The following STEAP4 variants were observed in gnomAD, a reference collection of about 807,000 sequenced individuals.
The protein encoded by STEAP4 is metalloreductase STEAP4.
In STEAP4, 36 loss-of-function variants were observed where a neutral mutation model predicts 43.6. That is an observed-to-expected ratio of 0.83 (90% confidence interval 0.63 to 1.09). STEAP4 has a LOEUF of 1.09. Among genes scored for constraint, STEAP4 ranks in the 50% least tolerant of loss-of-function variants. STEAP4 has a pLI of 0.00. For synonymous variants in STEAP4, 191 were observed against 196.7 expected, an observed-to-expected ratio of 0.97 and a Z score of 0.24; for missense variants, 495 against 546.5, an observed-to-expected ratio of 0.91 and a Z score of 0.94.
At chr7:88,298,944 T>C (rs76338995) in intron 1 of STEAP4, among the ~76,000 whole-genome samples, 1,607 of 152,314 alleles carry the variant, frequency 0.011, 28 homozygotes, top group African/African-American at 0.037. Flanking sequence ...TTGCACAGTT[T>C]CATCAAGTCA....
Position 88,283,146 on chromosome 7 carries a change from C to T in STEAP4, c.479G>A (p.Ser160Asn). The T allele has an allele frequency of 1.3e-6, 2 of 1,555,764 alleles. No homozygotes were observed. The highest frequency in any genetic ancestry group is 1.7e-6 in the Non-Finnish European group (2 of 1,153,722). Reference protein sequence around the residue: ...SRQVFVCGNDSKAKQRVMDIV... With the variant: ...SRQVFVCGNDNKAKQRVMDIV... The stretch of plus-strand genomic sequence containing the variant: ...ATCCATCACTCTTTGCTTGGCTTTG[C>T]TGTCATTTCCACACACAAACACCTA... The change falls in exon 3 of 5, where the codon AGC (serine) becomes AAC (asparagine). Residue 160 changes from serine to asparagine, a missense_variant. Coordinates refer to ENST00000380079, the MANE Select transcript of STEAP4 (RefSeq NM_024636.4).
intron 1 of STEAP4, among the ~76,000 whole-genome samples, chr7:88,285,509 C>G (rs1204618333): frequency 2.0e-5 from 3 of 151,750 alleles, no homozygotes; most frequent in Admixed American, 1.3e-4. Context: ...TAATGTGGTA[C>G]TATCAAAGAA....
chr7:88,303,036 C>G (rs1853064442), intron 1 of STEAP4, among the ~76,000 whole-genome samples: 1 of 147,826 alleles, frequency 6.8e-6, no homozygotes, highest in Non-Finnish European at 1.5e-5. Flanking sequence ...AAGAGCTGTG[C>G]TATATAGTTT....
chr7:88,288,019 T>A (rs1852764766), intron 1 of STEAP4, among the ~76,000 whole-genome samples: 1 of 152,242 alleles, frequency 6.6e-6, no homozygotes, highest in Non-Finnish European at 1.5e-5. Context: ...CAGTTAGTTC[T>A]GATCTCTTTC....
Position 88,275,393 on chromosome 7 carries a change from G to A in STEAP4, c.*4005C>T, listed in dbSNP as rs1852498549. 6.6e-6 allele frequency: 1 copy of A among 152,168 alleles called. No individual in the cohort carries two copies. The highest frequency in any genetic ancestry group is 6.5e-5 in the Admixed American group (1 of 15,274). 9.4% of individuals were successfully genotyped at this position (152,168 alleles called of 1,614,324 possible). A position where few individuals can be genotyped will look rare whatever the true frequency, so the allele number is the denominator to read the frequency against. On this transcript the variant is annotated 3_prime_UTR_variant, in exon 5 of 5. Transcript: ENST00000380079. ...AGGTGTGAGTCACTGCGCCCGGCCA[G>A]TCTCAGGCTTATTTTACTCAGCCTC...
At chr7:88,291,203 T>C (rs1368861762) in intron 1 of STEAP4, among the ~76,000 whole-genome samples, 4 of 152,014 alleles carry the variant, frequency 2.6e-5, no homozygotes, top group African/African-American at 9.7e-5. Flanking sequence ...CTTAAGAATC[T>C]CCTACTTGTC....
In STEAP4 at chr7:88,273,379, T is replaced by G. The variant is rs1264778824; in HGVS notation, c.*6019A>C. The G allele has an allele frequency of 6.6e-6, 1 of 152,208 alleles. No individual in the cohort carries two copies. The highest frequency in any genetic ancestry group is 6.5e-5 in the Admixed American group (1 of 15,278). 9.4% of individuals were successfully genotyped at this position (152,208 alleles called of 1,614,324 possible). A position where few individuals can be genotyped will look rare whatever the true frequency, so the allele number is the denominator to read the frequency against. ...GCCAAGTTTAATTCTGGGTTTCTAT[T>G]TTATCACAATCTGATACTTTTTGAT... On this transcript the variant is annotated 3_prime_UTR_variant, in exon 5 of 5. Transcript: ENST00000380079.
intron 1 of STEAP4, among the ~76,000 whole-genome samples, chr7:88,289,178 G>A (rs77427890): frequency 0.012 from 1,806 of 151,882 alleles, 36 homozygotes; most frequent in African/African-American, 0.04. Flanking sequence ...ATAAATATTC[G>A]TTGAACTATA....
Position 88,282,983 on chromosome 7 carries a change from C to G in STEAP4, c.642G>C (p.Leu214Phe). 6.2e-7 allele frequency: 1 copy of G among 1,613,314 alleles called. No homozygotes were observed. Among genetic ancestry groups the G allele is most frequent in the East Asian group, 2.2e-5 (1 of 44,860 alleles). ...FYLSAVLCVF[L>F]FFYCVIRDVI... ...CGTCTCTTATAACACAATAGAAAAA[C>G]AAGAAGACACACAGCACAGCAGACA... is the stretch of plus-strand genomic sequence containing the variant. Residue 214 changes from leucine (L) to phenylalanine (F), a missense_variant, in exon 3 of 5, where the codon TTG becomes TTC. Leu to Phe is a conservative substitution (Grantham distance 22). Coordinates refer to ENST00000380079, the MANE Select transcript of STEAP4 (RefSeq NM_024636.4).
At chr7:88,296,414 C>T (rs1852924143) in intron 1 of STEAP4, among the ~76,000 whole-genome samples, 1 of 152,114 alleles carries the variant, frequency 6.6e-6, no homozygotes, top group East Asian at 1.9e-4. Context: ...GCAAATAACA[C>T]CTTCAAACTG....
chr7:88,274,013 G>C lies in STEAP4; in HGVS notation c.*5385C>G, dbSNP rs1226993888. 1 of 152,174 alleles carries C rather than the reference G, an allele frequency of 6.6e-6. No homozygotes were observed. The highest frequency in any genetic ancestry group is 2.4e-5 in the African/African-American group (1 of 41,448). 9.4% of individuals were successfully genotyped at this position (152,174 alleles called of 1,614,324 possible). On this transcript the variant is annotated 3_prime_UTR_variant, in exon 5 of 5. Coordinates refer to ENST00000380079, the MANE Select transcript of STEAP4 (RefSeq NM_024636.4). ...GAGTTGCAGTGGTTTCGTTCACTTA[G>C]TCTATTTTGTGGATTCAAAGGGACA...
rs1852739474 is a variant in STEAP4 at position 88,286,638 on chromosome 7, G to A, written c.-2-2367C>T. ...AGGCATGATAATTGCTTGAACTTGG[G>A]AGGTGGAGATTGTAGTGAGCTGAGA... On this transcript the variant is annotated intron_variant, in intron 1 of 4. Coordinates refer to ENST00000380079, the MANE Select transcript of STEAP4 (RefSeq NM_024636.4). Among the ~76,000 whole-genome samples, 2 of 152,108 alleles carry A rather than the reference G, an allele frequency of 1.3e-5. 1 individual carries two copies. The highest frequency in any genetic ancestry group is 4.1e-4 in the South Asian group (2 of 4,828).
chr7:88,286,888 C>T (rs889046327), intron 1 of STEAP4, among the ~76,000 whole-genome samples: 3 of 151,976 alleles, frequency 2.0e-5, no homozygotes, highest in Non-Finnish European at 4.4e-5. Flanking sequence ...GTCCTCCAAA[C>T]AAGTTCCTTA....
At chr7:88,281,658 AG>A (rs970562157) in intron 3 of STEAP4, 1 of 152,216 alleles carries the variant, frequency 6.6e-6, no homozygotes, top group Non-Finnish European at 1.5e-5. Context: ...ATAATTTTTG[AG>A]ACTGAAGTAA....
chr7:88,306,719 G>T (rs1204321770), intron 1 of STEAP4, 73 bp downstream of exon 1: 3 of 152,624 alleles, frequency 2.0e-5, no homozygotes, highest in Non-Finnish European at 4.4e-5. Context: ...GGGGAGTGGG[G>T]TCCTAGCAGC....
intron 1 of STEAP4, among the ~76,000 whole-genome samples, chr7:88,304,881 G>A (rs1207221531): frequency 6.6e-6 from 1 of 152,054 alleles, no homozygotes; most frequent in African/African-American, 2.4e-5. Flanking sequence ...AATAATAGTA[G>A]GGTGATTCAG....
chr7:88,280,091 C>T (rs754559737), intron 4 of STEAP4, among the ~76,000 whole-genome samples: 9 of 152,160 alleles, frequency 5.9e-5, no homozygotes, highest in African/African-American at 1.2e-4. Context: ...CTTGTTTCAG[C>T]CTACATTTTA....
rs781140914 is a variant in STEAP4 at position 88,283,098 on chromosome 7, G to A, written c.527C>T (p.Thr176Ile). ...VMDIVRNLGL[T>I]PMDQGSLMAA... ...CATGAGTGATCCTTGATCCATTGGA[G>A]TAAGTCCAAGATTACGAACAATATC... Residue 176 changes from threonine (T) to isoleucine (I), a missense_variant, in exon 3 of 5, where the codon ACT (threonine) becomes ATT (isoleucine). Physicochemically the swap from Thr to Ile is moderately conservative, Grantham distance 89. Coordinates refer to ENST00000380079, the MANE Select transcript of STEAP4 (RefSeq NM_024636.4). The A allele has an allele frequency of 4.4e-6, 7 of 1,607,340 alleles. No homozygotes were observed. The highest frequency in any genetic ancestry group is 5.1e-6 in the Non-Finnish European group (6 of 1,177,462).
rs558091874 is a variant in STEAP4 at position 88,302,439 on chromosome 7, G to A, written c.-3+4353C>T. On this transcript the variant is annotated intron_variant, in intron 1 of 4. Transcript: ENST00000380079. ...GAGGGACTTGAATCTGCCAGGAAGC[G>A]GAACAAGTAAGTTTTCCAAAGTCTG... Among the ~76,000 whole-genome samples, 15 of 152,246 alleles carry A rather than the reference G, an allele frequency of 9.9e-5. No individual in the cohort carries two copies. The South Asian group carries it at 2.3e-3, about 23-fold the overall frequency.
Sources: allele counts gnomAD v4.1 joint callset (sites outside exome capture counted in the v4.1 genomes callset), GRCh38; gene constraint gnomAD v4.1.1; transcripts MANE v1.5; gene names NCBI Gene and HGNC (gene_info 2026-07-23, HGNC 2026-07-21).